The following NFIB variants were observed in gnomAD, a reference collection of about 807,000 sequenced individuals.
NFIB encodes the protein nuclear factor 1 B-type.
In NFIB, 11 loss-of-function variants were observed where a neutral mutation model predicts 61.5. The observed-to-expected ratio is 0.18, with a 90% CI of 0.11 to 0.30. The LOEUF is 0.30. NFIB is among the 10% of genes least tolerant of loss of function. The pLI is 1.00. For synonymous variants in NFIB, 260 were observed against 216.5 expected (o/e 1.20, Z -1.76); for missense variants, 471 against 608.9 (o/e 0.77, Z 2.38).
At chr9:14,262,077 T>C (rs1259658830) in intron 2 of NFIB, among the ~76,000 whole-genome samples, 1 of 151,674 alleles carries the variant, frequency 6.6e-6, no homozygotes, top group Non-Finnish European at 1.5e-5. Flanking sequence ...ATCATGTCAC[T>C]TTTCACTTAT....
At chr9:14,220,865 A>C (rs1478336979) in intron 2 of NFIB, among the ~76,000 whole-genome samples, 1 of 151,088 alleles carries the variant, frequency 6.6e-6, no homozygotes, top group Non-Finnish European at 1.5e-5. Context: ...ACACACACAC[A>C]CACACACACA....
At chr9:14,169,899 G>C (rs377305112) in intron 3 of NFIB, among the ~76,000 whole-genome samples, 1 of 152,148 alleles carries the variant, frequency 6.6e-6, no homozygotes, top group East Asian at 1.9e-4. Context: ...TCATAGTCAC[G>C]GAGAAGGAAA....
intron 1 of NFIB, among the ~76,000 whole-genome samples, chr9:14,337,702 TTGA>T (rs1165807819): frequency 6.6e-6 from 1 of 152,198 alleles, no homozygotes; most frequent in Non-Finnish European, 1.5e-5. Flanking sequence ...TAAAGCTCCT[TTGA>T]TGTCATTTTG....
chr9:14,218,031 C>G (rs1314290217), intron 2 of NFIB, among the ~76,000 whole-genome samples: 1 of 152,116 alleles, frequency 6.6e-6, no homozygotes, highest in African/African-American at 2.4e-5. Flanking sequence ...CAGTTTCTTC[C>G]GTGTTTGCTG....
At chr9:14,108,982 T>C (rs1021314794) in intron 10 of NFIB, among the ~76,000 whole-genome samples, 1 of 152,034 alleles carries the variant, frequency 6.6e-6, no homozygotes, top group African/African-American at 2.4e-5. Context: ...TGATGTACAA[T>C]AGTAAGAATT....
the NFIB span, among the ~76,000 whole-genome samples, chr9:14,435,203 C>G: frequency 6.6e-6 from 1 of 152,240 alleles, no homozygotes; most frequent in African/African-American, 2.4e-5. Context: ...GTGGGTGAGT[C>G]TGGTGAAAGT....
intron 1 of NFIB, among the ~76,000 whole-genome samples, chr9:14,381,882 G>A (rs962435980): frequency 4.6e-5 from 7 of 152,240 alleles, no homozygotes; most frequent in East Asian, 1.9e-4. Context: ...AGGGTGAAAC[G>A]TTTTGAGTGC....
Position 14,084,835 on chromosome 9 carries a change from T to C in NFIB, c.*3474A>G, listed in dbSNP as rs2032597630. On this transcript the variant is annotated 3_prime_UTR_variant, in exon 11 of 11. Transcript: ENST00000380953. Reference sequence around the variant, plus strand: ...TATATAGTAGTACTTTTAATAGTTTTATCTCAAAAAGGAAAGAAGAAAAAA... The same window carrying C: ...TATATAGTAGTACTTTTAATAGTTTCATCTCAAAAAGGAAAGAAGAAAAAA... 1 of 227,832 alleles carries C rather than the reference T, an allele frequency of 4.4e-6. No individual in the cohort carries two copies. Among genetic ancestry groups the C allele is most frequent in the African/African-American group, 2.3e-5 (1 of 43,854 alleles). 14.1% of individuals were successfully genotyped at this position (227,832 alleles called of 1,614,324 possible).
At chr9:14,497,107 A>G in the NFIB span, among the ~76,000 whole-genome samples, 1,358 of 152,332 alleles carry the variant, frequency 8.9e-3, 18 homozygotes, top group African/African-American at 0.031. Flanking sequence ...ACTTGAATAG[A>G]ATGCCAATTT....
chr9:14,321,272 G>A (rs1012055695), intron 1 of NFIB, among the ~76,000 whole-genome samples: 7 of 152,020 alleles, frequency 4.6e-5, no homozygotes, highest in African/African-American at 1.7e-4. Flanking sequence ...CAAAAATAGC[G>A]GGGTTGGGGG....
intron 2 of NFIB, among the ~76,000 whole-genome samples, chr9:14,297,570 G>C (rs1232661861): frequency 6.6e-6 from 1 of 152,206 alleles, no homozygotes; most frequent in South Asian, 2.1e-4. Context: ...GCTATTTTCA[G>C]ATATTTTCTA....
chr9:14,090,254 A>G (rs1379916759), intron 10 of NFIB, among the ~76,000 whole-genome samples: 1 of 152,120 alleles, frequency 6.6e-6, no homozygotes, highest in African/African-American at 2.4e-5. Flanking sequence ...ACGTCCTCAA[A>G]ATCTGATGAA....
chr9:14,391,094 G>C (rs991664280), intron 1 of NFIB, among the ~76,000 whole-genome samples: 1 of 152,156 alleles, frequency 6.6e-6, no homozygotes, highest in African/African-American at 2.4e-5. Context: ...TACCCCTTAA[G>C]CATGGGCTGT....
chr9:14,517,628 T>C, the NFIB span, among the ~76,000 whole-genome samples: 1 of 151,524 alleles, frequency 6.6e-6, no homozygotes, highest in South Asian at 2.1e-4. Flanking sequence ...GTCGTGGTGG[T>C]GTATGTGTAT....
Position 14,229,213 on chromosome 9 carries a change from G to A in NFIB, c.563-49433C>T, listed in dbSNP as rs535255561. 1.8e-4 allele frequency among the ~76,000 whole-genome samples: 28 copies of A among 152,144 alleles called. No individual in the cohort carries two copies. The South Asian group carries it at 5.4e-3, about 29-fold the overall frequency. ...AAAGCTCATCGGTAAGTTAATGGTC[G>A]GAACTCAATGAATTCTATTGAACCA... is the stretch of plus-strand genomic sequence containing the variant. On this transcript the variant is annotated intron_variant, in intron 2 of 10. Coordinates refer to ENST00000380953, the MANE Select transcript of NFIB (RefSeq NM_001190737.2).
At chr9:14,428,775 G>A in the NFIB span, among the ~76,000 whole-genome samples, 1 of 152,188 alleles carries the variant, frequency 6.6e-6, no homozygotes, top group Non-Finnish European at 1.5e-5. Flanking sequence ...CCAGATTGCA[G>A]GTGGAGTCTG....
chr9:14,249,084 A>G (rs947556248), intron 2 of NFIB, among the ~76,000 whole-genome samples: 6 of 152,238 alleles, frequency 3.9e-5, no homozygotes, highest in East Asian at 3.8e-4. Flanking sequence ...AATAGCAGCA[A>G]GAATTTGACA....
intron 1 of NFIB, among the ~76,000 whole-genome samples, chr9:14,332,000 CT>C (rs1388782661): frequency 6.6e-6 from 1 of 152,106 alleles, no homozygotes. Context: ...CTGAGTGCCC[CT>C]AGGCCTGTGA....
In NFIB at chr9:14,251,467, G is replaced by A. The variant is rs1355894872; in HGVS notation, c.562+55522C>T. 3.9e-5 allele frequency among the ~76,000 whole-genome samples: 6 copies of A among 152,284 alleles called. No homozygotes were observed. In the East Asian group the frequency reaches 1.2e-3, roughly 29 times the overall value. ...GGGCTCCCAGCCAACCCCTGAGATT[G>A]CTGCCAGCCCCTTGGGTATTCAAAG... On this transcript the variant is annotated intron_variant, in intron 2 of 10. Coordinates refer to ENST00000380953, the MANE Select transcript of NFIB (RefSeq NM_001190737.2).
Sources: gnomAD v4.1 joint callset for allele counts (sites outside exome capture counted in the v4.1 genomes callset) on GRCh38, gnomAD v4.1.1 for gene constraint, MANE v1.5 for transcripts, NCBI Gene and HGNC (gene_info 2026-07-23, HGNC 2026-07-21) for gene names.